GLS: variants seen among roughly 807,000 people sequenced by gnomAD.
The protein encoded by GLS is glutaminase, also known as glutaminase kidney isoform, mitochondrial.
A neutral mutation model predicts 86.7 loss-of-function variants in GLS; 36 were observed. The ratio of observed to expected loss-of-function variants is 0.42; its 90% CI spans 0.32 to 0.55. The LOEUF (loss-of-function observed/expected upper bound fraction) is 0.55. Among genes scored for constraint, GLS ranks in the 20% least tolerant of loss-of-function variants. GLS has a pLI of 0.17. For synonymous variants in GLS, 317 were observed against 305.9 expected (o/e 1.04, Z -0.38); for missense variants, 528 against 833.4 (o/e 0.63, Z 4.51).
At chr2:190,942,205 G>A (rs1449922060) in intron 14 of GLS, among the ~76,000 whole-genome samples, 1 of 147,242 alleles carries the variant, frequency 6.8e-6, no homozygotes, top group East Asian at 2.1e-4. Flanking sequence ...TCAGCCTCCC[G>A]AGTAGCTGGG....
intron 1 of GLS, among the ~76,000 whole-genome samples, chr2:190,890,189 C>G (rs559734444): frequency 3.9e-5 from 6 of 152,120 alleles, no homozygotes; most frequent in Non-Finnish European, 7.4e-5. Flanking sequence ...TTAACATTTT[C>G]TTTCTTTTTT....
chr2:190,961,949 G>A (rs1691013071), intron 17 of GLS, among the ~76,000 whole-genome samples: 1 of 152,190 alleles, frequency 6.6e-6, no homozygotes, highest in Non-Finnish European at 1.5e-5. Context: ...CATCAGCCAT[G>A]GAGAATTTTG....
In GLS at chr2:190,881,058, T is replaced by A; in HGVS notation, c.-27T>A. On this transcript the variant is annotated 5_prime_UTR_variant, in exon 1 of 18. Coordinates refer to ENST00000320717, the MANE Select transcript of GLS (RefSeq NM_014905.5). ...CCACGCCCGGAGCATCCTCCCCTGT[T>A]GAGCGGGCGCTGACGGACCCGGCGG... The A allele has an allele frequency of 6.5e-7, 1 of 1,538,192 alleles. No homozygotes were observed. The highest frequency in any genetic ancestry group is 8.7e-7 in the Non-Finnish European group (1 of 1,148,016).
intron 1 of GLS, among the ~76,000 whole-genome samples, chr2:190,892,131 A>G (rs1688584542): frequency 6.6e-6 from 1 of 152,220 alleles, no homozygotes; most frequent in Admixed American, 6.5e-5. Flanking sequence ...ATGATGTCAT[A>G]CATGGCATGG....
chr2:190,916,192 A>G (rs1022313014), intron 7 of GLS, among the ~76,000 whole-genome samples: 1 of 152,180 alleles, frequency 6.6e-6, no homozygotes, highest in African/African-American at 2.4e-5. Context: ...AAATCTTACA[A>G]ATTAGTATGG....
In GLS at chr2:190,947,408, G is replaced by A. The variant is rs1297702080; in HGVS notation, c.1651-6157G>A. ...AACTAAGATAAGATTGTCTGGTTCG[G>A]GCAGATTCTGATAAAGAGACTTGAT... On this transcript the variant is annotated intron_variant, in intron 14 of 17. Transcript: ENST00000320717. The surrounding 1 kb of genome is among the most constrained non-coding windows in gnomAD (Gnocchi z 5.0). Among the ~76,000 whole-genome samples, 1 of 152,136 alleles carries A rather than the reference G, an allele frequency of 6.6e-6. No individual in the cohort carries two copies. Among genetic ancestry groups the A allele is most frequent in the Non-Finnish European group, 1.5e-5 (1 of 68,020 alleles).
intron 11 of GLS, among the ~76,000 whole-genome samples, chr2:190,926,191 A>G (rs1327410269): frequency 6.6e-6 from 1 of 152,238 alleles, no homozygotes; most frequent in African/African-American, 2.4e-5. Flanking sequence ...CCTTATGACA[A>G]ACAAAATTCC....
At chr2:190,934,586 A>C in intron 14 of GLS, 5 of 982,960 alleles carry the variant, frequency 5.1e-6, no homozygotes, top group Non-Finnish European at 6.0e-6. Context: ...GAATGCCTTA[A>C]TTGGAAAAAA....
chr2:190,942,136 G>C (rs970823749), intron 14 of GLS, among the ~76,000 whole-genome samples: 2 of 126,730 alleles, frequency 1.6e-5, no homozygotes, highest in Non-Finnish European at 3.1e-5. Context: ...CTGGAGTGCA[G>C]TGGAGTGATC....
rs1690504827 is a variant in GLS, at chr2:190,943,596, A to G, written c.1651-9969A>G. Among the ~76,000 whole-genome samples, 4 of 152,298 alleles carry G rather than the reference A, an allele frequency of 2.6e-5. No individual in the cohort carries two copies. In the South Asian group the frequency reaches 8.3e-4, roughly 32 times the overall value. On this transcript the variant is annotated intron_variant, in intron 14 of 17. Coordinates refer to ENST00000320717, the MANE Select transcript of GLS (RefSeq NM_014905.5). This position sits in a 1 kb window ranked among gnomAD's most constrained non-coding sequence, Gnocchi z 4.5. ...TTTATATTTACATGATGTCCTTTCT[A>G]AATTTTTTTTAGATAGAACAATTGC...
chr2:190,933,177 G>A (rs1690164282), intron 14 of GLS: 1 of 838,720 alleles, frequency 1.2e-6, no homozygotes, highest in Non-Finnish European at 1.4e-6. Flanking sequence ...TTTTACAATA[G>A]TAACAGAAAA....
In GLS at chr2:190,910,273, TA is replaced by T; in HGVS notation, c.992del (p.Asn331IlefsTer4). 1 of 1,538,474 alleles carries T rather than the reference TA, an allele frequency of 6.5e-7. No homozygotes were observed. Among genetic ancestry groups the T allele is most frequent in the Non-Finnish European group, 8.9e-7 (1 of 1,117,348 alleles). On this transcript the variant is annotated frameshift_variant, in exon 7 of 18. Transcript: ENST00000320717. LOFTEE classifies it high-confidence loss of function. Reference sequence around the variant, plus strand: ...TTTTATATTTTACAGATAAACCACATAATCCTATGGTAAATGCTGGAGCAAT... The same window carrying T: ...TTTTATATTTTACAGATAAACCACATATCCTATGGTAAATGCTGGAGCAAT... ...LFLNEDDKPH[N>X]PMVNAGAIVV...
chr2:190,962,779 T>C lies in GLS; in HGVS notation c.1854-51T>C, dbSNP rs1451044432. On this transcript the variant is annotated intron_variant, in intron 17 of 17. Transcript: ENST00000320717. The surrounding 1 kb of genome is among the most constrained non-coding windows in gnomAD (Gnocchi z 4.2). ...AATCTAGGAATGTGGGGTGATCATCTTTGTACATAAATTACCTAATGACCC... is the reference window on the plus strand; with the variant it reads ...AATCTAGGAATGTGGGGTGATCATCCTTGTACATAAATTACCTAATGACCC... 1 of 1,231,956 alleles carries C rather than the reference T, an allele frequency of 8.1e-7. No homozygotes were observed. The highest frequency in any genetic ancestry group is 2.6e-5 in the South Asian group (1 of 38,994). The allele number at this position is 1,231,956 out of a possible 1,614,324, so 76.3% of individuals were successfully genotyped here. A position where few individuals can be genotyped will look rare whatever the true frequency, so the allele number is the denominator to read the frequency against.
rs1218726578 is a variant in GLS at position 190,921,977 on chromosome 2, C to G, written c.1130+774C>G. Reference sequence around the variant, plus strand: ...TTGTCTCTTTACTTAGAACAGTCCCCGTGCCCTTGCTTTCACAAATTTTAT... The same window carrying G: ...TTGTCTCTTTACTTAGAACAGTCCCGGTGCCCTTGCTTTCACAAATTTTAT... On this transcript the variant is annotated intron_variant, in intron 9 of 17. Coordinates refer to ENST00000320717, the MANE Select transcript of GLS (RefSeq NM_014905.5). This position sits in a 1 kb window ranked among gnomAD's most constrained non-coding sequence, Gnocchi z 4.2. 6.6e-6 allele frequency among the ~76,000 whole-genome samples: 1 copy of G among 152,072 alleles called. No homozygotes were observed. The highest frequency in any genetic ancestry group is 2.4e-5 in the African/African-American group (1 of 41,426).
intron 14 of GLS, among the ~76,000 whole-genome samples, chr2:190,948,618 A>T (rs1001449662): frequency 1.3e-5 from 2 of 152,232 alleles, no homozygotes; most frequent in Admixed American, 1.3e-4. Flanking sequence ...TTTAAAAATA[A>T]TAACTGGGTA....
rs1690865565 is a variant in GLS, at chr2:190,956,555, T to C, written c.1853+1737T>C. Among the ~76,000 whole-genome samples the C allele has an allele frequency of 6.6e-6, 1 of 152,200 alleles. No individual in the cohort carries two copies. Among genetic ancestry groups the C allele is most frequent in the African/African-American group, 2.4e-5 (1 of 41,460 alleles). ...TAGCGTGATGCCTCCAGCTTTCTTC[T>C]TTTTGCTTAGGATCGTCTTGGCTAT... On this transcript the variant is annotated intron_variant, in intron 17 of 17. Transcript: ENST00000320717. The surrounding 1 kb of genome is among the most constrained non-coding windows in gnomAD (Gnocchi z 4.2).
chr2:190,933,010 C>T (rs1465770710), intron 14 of GLS: 2 of 1,169,448 alleles, frequency 1.7e-6, no homozygotes, highest in African/African-American at 3.2e-5. Flanking sequence ...TCCTTTTAAT[C>T]TTTGTATAAA....
intron 14 of GLS, among the ~76,000 whole-genome samples, chr2:190,945,656 G>A (rs185027623): frequency 6.7e-6 from 1 of 149,372 alleles, no homozygotes; most frequent in Admixed American, 6.7e-5. Flanking sequence ...CAGAGCGAGA[G>A]CCTGTCTCAA....
At chr2:190,912,430 A>G (rs1213612487) in intron 7 of GLS, among the ~76,000 whole-genome samples, 2 of 148,924 alleles carry the variant, frequency 1.3e-5, no homozygotes, top group Non-Finnish European at 3.0e-5. Context: ...TGAATGCCCC[A>G]GAATATGTAA....
Sources: gnomAD v4.1 joint callset for allele counts (sites outside exome capture counted in the v4.1 genomes callset) on GRCh38, gnomAD v4.1.1 for gene constraint, Gnocchi (gnomAD v3.1) non-coding constraint, MANE v1.5 for transcripts, NCBI Gene and HGNC (gene_info 2026-07-23, HGNC 2026-07-21) for gene names.